Variants in ELL observed in about 807,000 individuals in gnomAD.
ELL encodes the protein elongation factor for RNA polymerase II.
In ELL, 18 loss-of-function variants were observed where a neutral mutation model predicts 64.0. The observed-to-expected ratio is 0.28, with a 90% CI of 0.19 to 0.42. The LOEUF (loss-of-function observed/expected upper bound fraction) is 0.42, where lower values mean the gene tolerates loss of function less well. Ranked by LOEUF, ELL falls within the 10% of genes least tolerant of loss-of-function variation. ELL has a pLI of 1.00. For synonymous variants in ELL, 399 were observed against 376.2 expected, an observed-to-expected ratio of 1.06 and a Z score of -0.70; for missense variants, 797 against 870.4, an observed-to-expected ratio of 0.92 and a Z score of 1.06.
chr19:18,469,544 G>A (rs929520318), intron 2 of ELL, among the ~76,000 whole-genome samples: 7 of 152,240 alleles, frequency 4.6e-5, no homozygotes, highest in Non-Finnish European at 2.9e-5. Context: ...GTACCAGTGG[G>A]CTGCCATGGG....
At chr19:18,470,650 G>A (rs992037545) in intron 2 of ELL, among the ~76,000 whole-genome samples, 1 of 152,210 alleles carries the variant, frequency 6.6e-6, no homozygotes, top group African/African-American at 2.4e-5. Context: ...GGGTGCCCTG[G>A]AGGTACTCTG....
Position 18,465,995 on chromosome 19 carries a change from T to C in ELL, c.184-77A>G, listed in dbSNP as rs1974928354. The C allele has an allele frequency of 2.5e-6, 3 of 1,215,922 alleles. No homozygotes were observed. The East Asian group carries it at 9.3e-5, about 38-fold the overall frequency. 75.3% of individuals were successfully genotyped at this position (1,215,922 alleles called of 1,614,324 possible). On this transcript the variant is annotated intron_variant, in intron 2 of 11. Coordinates refer to ENST00000262809, the MANE Select transcript of ELL (RefSeq NM_006532.4). ...CCCAGCCTGCATCTTCCTGCATGAG[T>C]CCCCACAGTGCAACCCTCACAACAG...
intron 1 of ELL, among the ~76,000 whole-genome samples, chr19:18,498,518 C>G (rs1198024240): frequency 6.6e-6 from 1 of 152,186 alleles, no homozygotes; most frequent in Non-Finnish European, 1.5e-5. Flanking sequence ...TTCTATGATT[C>G]TGGGAAAACA....
chr19:18,519,632 C>A (rs1306322270), intron 1 of ELL, among the ~76,000 whole-genome samples: 1 of 152,008 alleles, frequency 6.6e-6, no homozygotes, highest in Non-Finnish European at 1.5e-5. Flanking sequence ...CATGGCAAAA[C>A]CCTGTCTCTA....
chr19:18,506,464 C>T (rs563747979), intron 1 of ELL, among the ~76,000 whole-genome samples: 2 of 152,358 alleles, frequency 1.3e-5, no homozygotes, highest in African/African-American at 4.8e-5. Flanking sequence ...CCATGGCTCA[C>T]GCCTGTAAGC....
chr19:18,515,395 G>A (rs763351986), intron 1 of ELL, among the ~76,000 whole-genome samples: 5 of 152,266 alleles, frequency 3.3e-5, no homozygotes, highest in Admixed American at 1.3e-4. Context: ...CAGTCCTTCA[G>A]AGGTGGCAGA....
At chr19:18,485,104 G>C (rs1193204696) in intron 1 of ELL, among the ~76,000 whole-genome samples, 2 of 152,176 alleles carry the variant, frequency 1.3e-5, no homozygotes, top group African/African-American at 4.8e-5. Context: ...GGCCTCTGTG[G>C]GGGTTGGGTC....
intron 1 of ELL, among the ~76,000 whole-genome samples, chr19:18,513,197 T>C (rs1420028712): frequency 2.0e-5 from 3 of 152,098 alleles, no homozygotes; most frequent in Non-Finnish European, 4.4e-5. Flanking sequence ...CACAGACACA[T>C]GGGCATGCCA....
intron 1 of ELL, among the ~76,000 whole-genome samples, chr19:18,504,277 GA>G (rs1442659206): frequency 6.6e-6 from 1 of 152,236 alleles, no homozygotes; most frequent in East Asian, 1.9e-4. Context: ...TGTGCTCACT[GA>G]CGCACAGAGG....
chr19:18,451,874 G>A (rs1600428280), intron 6 of ELL, among the ~76,000 whole-genome samples: 1 of 152,212 alleles, frequency 6.6e-6, no homozygotes, highest in African/African-American at 2.4e-5. Flanking sequence ...GAGCCCAGAG[G>A]AGGATCACTT....
chr19:18,481,727 A>T (rs1187722173), intron 1 of ELL, among the ~76,000 whole-genome samples: 1 of 152,166 alleles, frequency 6.6e-6, no homozygotes, highest in Admixed American at 6.5e-5. Context: ...CCGCAGTATA[A>T]ATACGCCACC....
rs138044947 is a variant in ELL at position 18,466,118 on chromosome 19, G to T, written c.184-200C>A. The stretch of plus-strand genomic sequence containing the variant: ...AGCAACACACACTGCGTAGAGAGGG[G>T]ACTCAGGCACCTATGCGGGTGGGCA... On this transcript the variant is annotated intron_variant, in intron 2 of 11. Transcript: ENST00000262809. Among the ~76,000 whole-genome samples, 1,081 of 152,316 alleles carry T rather than the reference G, an allele frequency of 7.1e-3. 14 individuals are homozygous for T. Among genetic ancestry groups the T allele is most frequent in the African/African-American group, 0.025 (1,032 of 41,556 alleles).
At chr19:18,483,895 C>T (rs536394861) in intron 1 of ELL, among the ~76,000 whole-genome samples, 1 of 152,352 alleles carries the variant, frequency 6.6e-6, no homozygotes, top group East Asian at 1.9e-4. Context: ...CCCAGGCCTG[C>T]TTCCAGGACA....
intron 4 of ELL, among the ~76,000 whole-genome samples, chr19:18,464,684 G>A (rs1053406863): frequency 3.9e-5 from 6 of 152,166 alleles, no homozygotes; most frequent in African/African-American, 1.4e-4. Flanking sequence ...CAAGGCTGTC[G>A]TCTGCTCTGA....
At chr19:18,475,128 A>T (rs758377328) in intron 1 of ELL, among the ~76,000 whole-genome samples, 31 of 152,186 alleles carry the variant, frequency 2.0e-4, no homozygotes, top group Non-Finnish European at 4.3e-4. Flanking sequence ...TGTCTCAACA[A>T]CAGCAACAAA....
At chr19:18,453,635 G>A (rs1052341346) in intron 6 of ELL, among the ~76,000 whole-genome samples, 3 of 152,176 alleles carry the variant, frequency 2.0e-5, no homozygotes, top group African/African-American at 7.2e-5. Context: ...ACAGCTCACT[G>A]CAGCCTGGAT....
intron 8 of ELL, among the ~76,000 whole-genome samples, chr19:18,450,026 C>G (rs1456381298): frequency 6.6e-6 from 1 of 152,198 alleles, no homozygotes; most frequent in Admixed American, 6.5e-5. Context: ...CAGGATCTGC[C>G]CATCTGCACC....
intron 1 of ELL, among the ~76,000 whole-genome samples, chr19:18,476,104 G>A (rs938932150): frequency 1.3e-5 from 2 of 152,214 alleles, no homozygotes; most frequent in Non-Finnish European, 2.9e-5. Context: ...GTCCTCATGG[G>A]CCCCAGGAGC....
At chr19:18,509,593 G>GCGCGCGCGCGCACA (rs1438642062) in intron 1 of ELL, among the ~76,000 whole-genome samples, 10 of 83,276 alleles carry the variant, frequency 1.2e-4, no homozygotes, top group South Asian at 4.7e-4. Flanking sequence ...GCGCGCGCGC[G>GCGCGCGCGCGCACA]CACATACACA....
Sources: allele counts gnomAD v4.1 joint callset (sites outside exome capture counted in the v4.1 genomes callset), GRCh38; gene constraint gnomAD v4.1.1; transcripts MANE v1.5; gene names NCBI Gene and HGNC (gene_info 2026-07-23, HGNC 2026-07-21).